Variants in HDAC8 observed in about 807,000 individuals in gnomAD.
HDAC8 encodes the protein histone deacetylase 8, also known as histone deacetylase-like 1.
In HDAC8, 1 loss-of-function variant was observed where a neutral mutation model predicts 32.2. That is an observed-to-expected ratio of 0.03 (90% CI 0.01 to 0.15). HDAC8 has a LOEUF of 0.15. Among genes scored for constraint, HDAC8 ranks in the 10% least tolerant of loss-of-function variants. The pLI is 1.00. For synonymous variants in HDAC8, 108 were observed against 113.9 expected (o/e 0.95, Z 0.33); for missense variants, 117 against 300.0 (o/e 0.39, Z 4.51).
At position 72,567,607 on chromosome X, in the gene HDAC8, T is replaced by C. The variant is rs184670428; in HGVS notation, c.437+282A>G. 2.5e-4 allele frequency: 138 copies of C among 557,251 alleles called. 1 individual carries two copies. The East Asian group carries it at 3.2e-3, about 13-fold the overall frequency. 45.9% of individuals were successfully genotyped at this position (557,251 alleles called of 1,213,427 possible). A position where few individuals can be genotyped will look rare whatever the true frequency, so the allele number is the denominator to read the frequency against. On this transcript the variant is annotated intron_variant, in intron 4 of 10. Coordinates refer to ENST00000373573, the MANE Select transcript of HDAC8 (RefSeq NM_018486.3). ...TAGTTGTATCCTTTGTTCATTTTATTGATGAAGAAACTGAGGCCTAGGGAG... is the reference window on the plus strand; with the variant it reads ...TAGTTGTATCCTTTGTTCATTTTATCGATGAAGAAACTGAGGCCTAGGGAG...
intron 9 of HDAC8, among the ~76,000 whole-genome samples, chrX:72,455,970 T>G (rs782255511): frequency 8.9e-6 from 1 of 112,236 alleles, no homozygotes; most frequent in African/African-American, 3.2e-5. Context: ...ATTTGTGAAG[T>G]TTTAGTGTAG....
chrX:72,371,938 G>T (rs1402016726), intron 9 of HDAC8, among the ~76,000 whole-genome samples: 3 of 111,021 alleles, frequency 2.7e-5, no homozygotes, highest in African/African-American at 9.8e-5. Flanking sequence ...GATAAGTGCT[G>T]CAGAGGAAAA....
chrX:72,417,384 G>T (rs2046373871), intron 9 of HDAC8, among the ~76,000 whole-genome samples: 1 of 111,658 alleles, frequency 9.0e-6, no homozygotes, highest in South Asian at 3.7e-4. Context: ...TGTCAGCAAG[G>T]CTTCAAGATA....
At chrX:72,427,047 G>A (rs2046660796) in intron 9 of HDAC8, among the ~76,000 whole-genome samples, 1 of 110,555 alleles carries the variant, frequency 9.0e-6, no homozygotes, top group Non-Finnish European at 1.9e-5. Flanking sequence ...CTCCAGAATT[G>A]TGAGAAATAA....
chrX:72,498,406 G>A (rs1432916648), intron 4 of HDAC8, among the ~76,000 whole-genome samples: 1 of 111,480 alleles, frequency 9.0e-6, no homozygotes, highest in Non-Finnish European at 1.9e-5. Context: ...CTCACTGGCC[G>A]AGATATGTCA....
chrX:72,513,009 T>C (rs908828490), intron 4 of HDAC8, among the ~76,000 whole-genome samples: 16 of 111,909 alleles, frequency 1.4e-4, no homozygotes, highest in African/African-American at 5.2e-4. Flanking sequence ...CCTTTGTACA[T>C]GCATAGTTTT....
chrX:72,481,467 G>A (rs1395146286), intron 7 of HDAC8, among the ~76,000 whole-genome samples: 1 of 111,835 alleles, frequency 8.9e-6, no homozygotes, highest in Non-Finnish European at 1.9e-5. Flanking sequence ...AAATGAAAGA[G>A]AATTTTAAAA....
At chrX:72,503,648 T>C (rs782321611) in intron 4 of HDAC8, among the ~76,000 whole-genome samples, 1 of 112,011 alleles carries the variant, frequency 8.9e-6, no homozygotes, top group African/African-American at 3.2e-5. Flanking sequence ...CTTATTTTCA[T>C]AGCAATATAA....
intron 9 of HDAC8, among the ~76,000 whole-genome samples, chrX:72,434,464 C>G (rs1239362531): frequency 3.6e-5 from 4 of 111,585 alleles, no homozygotes; most frequent in Non-Finnish European, 7.5e-5. Flanking sequence ...ATATAAAACT[C>G]AAATATACAA....
chrX:72,521,388 G>T (rs957123577), intron 4 of HDAC8, among the ~76,000 whole-genome samples: 4 of 110,550 alleles, frequency 3.6e-5, no homozygotes, highest in African/African-American at 1.3e-4. Context: ...TATTTCTTAG[G>T]TTGGTCTACA....
intron 4 of HDAC8, among the ~76,000 whole-genome samples, chrX:72,560,565 TAAAAAAAAAAAAAAAAA>T (rs147846647): frequency 2.8e-5 from 1 of 35,225 alleles, no homozygotes; most frequent in South Asian, 2.3e-3. Context: ...CAATAAATAC[TAAAAAAAAAAAAAAAAA>T]AAAAAAAAGA....
chrX:72,470,660 C>T (rs1294861566), intron 7 of HDAC8, among the ~76,000 whole-genome samples: 1 of 111,104 alleles, frequency 9.0e-6, no homozygotes, highest in Non-Finnish European at 1.9e-5. Flanking sequence ...TCTGATCTTA[C>T]TGCTCTCCTG....
At chrX:72,567,804 T>C (rs1556138017) in intron 4 of HDAC8, 85 bp downstream of exon 4, 1 of 1,209,129 alleles carries the variant, frequency 8.3e-7, no homozygotes, top group African/African-American at 1.7e-5. Context: ...TCTCTGTAAA[T>C]GTCAATACAA....
At chrX:72,552,794 T>A (rs970682938) in intron 4 of HDAC8, among the ~76,000 whole-genome samples, 7 of 98,836 alleles carry the variant, frequency 7.1e-5, no homozygotes, top group Non-Finnish European at 1.2e-4. Flanking sequence ...AAAAAAAATA[T>A]ATATATGTAT....
chrX:72,389,198 T>G (rs1436112870), intron 9 of HDAC8, among the ~76,000 whole-genome samples: 3 of 111,508 alleles, frequency 2.7e-5, no homozygotes, highest in African/African-American at 9.8e-5. Flanking sequence ...TAAATGCTTA[T>G]GAAAGGAATG....
At chrX:72,395,294 T>C (rs192509922) in intron 9 of HDAC8, among the ~76,000 whole-genome samples, 11 of 111,882 alleles carry the variant, frequency 9.8e-5, no homozygotes, top group Admixed American at 3.8e-4. Context: ...TCACCTCAGC[T>C]CCAGCTTCCT....
intron 7 of HDAC8, among the ~76,000 whole-genome samples, chrX:72,464,941 C>T (rs1432141193): frequency 9.0e-6 from 1 of 111,618 alleles, no homozygotes; most frequent in Non-Finnish European, 1.9e-5. Flanking sequence ...AAAAAATTTC[C>T]CTCTACTTCC....
chrX:72,463,466 A>G (rs2047922210), intron 8 of HDAC8, among the ~76,000 whole-genome samples: 1 of 112,207 alleles, frequency 8.9e-6, no homozygotes, highest in African/African-American at 3.2e-5. Flanking sequence ...AACAAAAGTC[A>G]GGTTCTAACC....
At chrX:72,338,641 A>ATG (rs1491555044) in intron 10 of HDAC8, among the ~76,000 whole-genome samples, 1 of 6,441 alleles carries the variant, frequency 1.6e-4, no homozygotes, top group Non-Finnish European at 3.8e-4. Flanking sequence ...AGTCACCTTG[A>ATG]TATATATATA....
Sources: allele counts gnomAD v4.1 joint callset (sites outside exome capture counted in the v4.1 genomes callset), GRCh38; gene constraint gnomAD v4.1.1; transcripts MANE v1.5; gene names NCBI Gene and HGNC (gene_info 2026-07-23, HGNC 2026-07-21).